The following SIRT6 variants were observed in gnomAD, a reference collection of about 807,000 sequenced individuals.
SIRT6 encodes NAD-dependent protein deacylase sirtuin-6.
In SIRT6, 21 loss-of-function variants were observed where a neutral mutation model predicts 33.6. The ratio of observed to expected loss-of-function variants is 0.62; its 90% confidence interval spans 0.44 to 0.90. SIRT6 has a LOEUF of 0.90. Ranked by LOEUF, SIRT6 falls within the 40% of genes least tolerant of loss-of-function variation. SIRT6 has a pLI of 0.00. For synonymous variants in SIRT6, 221 were observed against 223.9 expected (o/e 0.99, Z 0.12); for missense variants, 504 against 510.6 (o/e 0.99, Z 0.12).
At chr19:4,176,418 G>A (rs977097038) in intron 4 of SIRT6, among the ~76,000 whole-genome samples, 4 of 152,188 alleles carry the variant, frequency 2.6e-5, no homozygotes, top group Non-Finnish European at 5.9e-5. Context: ...GTGAAACCCC[G>A]TCTCTACTAA....
Position 4,174,883 on chromosome 19 carries a change from G to T in SIRT6, c.802C>A (p.His268Asn). 4 of 1,602,404 alleles carry T rather than the reference G, an allele frequency of 2.5e-6. No homozygotes were observed. The highest frequency in any genetic ancestry group is 3.4e-6 in the Non-Finnish European group (4 of 1,179,710). The part of the protein sequence containing the change: ...VDEVMTRLMK[H>N]LGLEIPAWDG... ...CAGGCGGGGATCTCCAGCCCCAGGT[G>T]CTTCATGAGCCGGGTCATGACCTCG... The change falls in exon 8 of 8, where the codon CAC becomes AAC. Residue 268 changes from histidine (H) to asparagine (N), a missense_variant. Physicochemically the swap from His to Asn is moderately conservative, Grantham distance 68. Transcript: ENST00000337491. The surrounding 1 kb of genome is among the most constrained non-coding windows in gnomAD (Gnocchi z 4.2).
chr19:4,175,622 T>C, intron 6 of SIRT6, 58 bp downstream of exon 6: 2 of 1,418,552 alleles, frequency 1.4e-6, no homozygotes, highest in East Asian at 2.5e-5. Flanking sequence ...GCTGGCTGTG[T>C]TTCTGCTGTC....
chr19:4,182,314 G>A (rs1967744649), intron 1 of SIRT6, 160 bp downstream of exon 1: 2 of 684,962 alleles, frequency 2.9e-6, no homozygotes, highest in South Asian at 2.1e-5. Flanking sequence ...GCGTCCCCCG[G>A]CGCGCAGGGG....
Position 4,175,669 on chromosome 19 carries a change from G to C in SIRT6, c.614+11C>G. 1.3e-6 allele frequency: 2 copies of C among 1,511,230 alleles called. No individual in the cohort carries two copies. The highest frequency in any genetic ancestry group is 2.2e-5 in the Admixed American group (1 of 44,456). 93.6% of individuals were successfully genotyped at this position (1,511,230 alleles called of 1,614,324 possible). On this transcript the variant is annotated intron_variant, in intron 6 of 7. Coordinates refer to ENST00000337491, the MANE Select transcript of SIRT6 (RefSeq NM_016539.4). The stretch of plus-strand genomic sequence containing the variant: ...CCCCACCATGGGCTCCCTGGGGGTG[G>C]GGGGTCAGACCTGCTGGCCTCATCG...
chr19:4,180,593 C>G (rs1967568116), intron 2 of SIRT6, 189 bp downstream of exon 2: 2 of 604,936 alleles, frequency 3.3e-6, no homozygotes, highest in Middle Eastern at 4.3e-4. Context: ...ATTGGCCAGG[C>G]TGGTCTGGAA....
At chr19:4,176,458 G>A (rs77695127) in intron 4 of SIRT6, among the ~76,000 whole-genome samples, 3,273 of 152,208 alleles carry the variant, frequency 0.022, 134 homozygotes, top group African/African-American at 0.075. Context: ...GTGTGGTGGC[G>A]GGCGCCTGCA....
chr19:4,175,237 C>T lies in SIRT6; in HGVS notation c.615-86G>A, dbSNP rs1967222388. 4.7e-6 allele frequency: 7 copies of T among 1,491,994 alleles called. No individual in the cohort carries two copies. The Admixed American group carries it at 1.4e-4, about 31-fold the overall frequency. 92.4% of individuals were successfully genotyped at this position (1,491,994 alleles called of 1,614,324 possible). ...CCCTGGGGGCCGGTTCACACCTAGG[C>T]CATCTGTGCTCACCGGGGCGGTCAA... On this transcript the variant is annotated intron_variant, in intron 6 of 7. Coordinates refer to ENST00000337491, the MANE Select transcript of SIRT6 (RefSeq NM_016539.4).
At chr19:4,178,185 C>A (rs1039245050) in intron 3 of SIRT6, among the ~76,000 whole-genome samples, 57 of 152,022 alleles carry the variant, frequency 3.7e-4, no homozygotes, top group African/African-American at 1.4e-3. Flanking sequence ...CGCCACCACG[C>A]CCAGCTAATT....
In SIRT6 at chr19:4,174,274, G is replaced by T; in HGVS notation, c.*343C>A. On this transcript the variant is annotated 3_prime_UTR_variant, in exon 8 of 8. Transcript: ENST00000337491. The surrounding 1 kb of genome is among the most constrained non-coding windows in gnomAD (Gnocchi z 4.2). The stretch of plus-strand genomic sequence containing the variant: ...TGGAGGAGGGGTAGGGTGGGCTGTA[G>T]GGGGCCCAGAAGGGAGGCCCTGGGG... The T allele has an allele frequency of 4.7e-6, 1 of 212,078 alleles. No individual in the cohort carries two copies. Among genetic ancestry groups the T allele is most frequent in the Non-Finnish European group, 9.3e-6 (1 of 107,514 alleles). 13.1% of individuals were successfully genotyped at this position (212,078 alleles called of 1,614,324 possible). A position where few individuals can be genotyped will look rare whatever the true frequency, so the allele number is the denominator to read the frequency against.
chr19:4,180,971 A>T, intron 1 of SIRT6, 62 bp from the exon 2 acceptor site: 2 of 1,503,056 alleles, frequency 1.3e-6, no homozygotes, highest in Non-Finnish European at 1.8e-6. Context: ...AAGGCCACGC[A>T]CGAGCCACAG....
Position 4,175,955 on chromosome 19 carries a change from G to C in SIRT6, c.438-18C>G. 6.4e-7 allele frequency: 1 copy of C among 1,554,272 alleles called. No homozygotes were observed. On this transcript the variant is annotated intron_variant, in intron 4 of 7. Coordinates refer to ENST00000337491, the MANE Select transcript of SIRT6 (RefSeq NM_016539.4). ...CGTACTGCCTGTGTCAGGGAGGAAG[G>C]GGGAGGATGGGACCAGGTGAGCTCC...
Position 4,179,168 on chromosome 19 carries a change from C to T in SIRT6, c.313G>A (p.Gly105Ser). 6.2e-7 allele frequency: 1 copy of T among 1,612,128 alleles called. No homozygotes were observed. The highest frequency in any genetic ancestry group is 1.7e-5 in the Admixed American group (1 of 59,832). The change falls in exon 3 of 8, where the codon GGC becomes AGC. Residue 105 changes from glycine to serine, a missense_variant. Transcript: ENST00000337491. ...TGGCTGACCAGGAAGCGGAGGAGGC[C>T]CACGCGCTCCAGCTGCACCAGCGCC... ...HMALVQLERVGLLRFLVSQNV... is the reference protein window; with the variant it reads ...HMALVQLERVSLLRFLVSQNV...
chr19:4,177,027 C>T (rs1967343804), intron 4 of SIRT6, 52 bp downstream of exon 4: 1 of 1,540,666 alleles, frequency 6.5e-7, no homozygotes, highest in Non-Finnish European at 8.9e-7. Context: ...TCGGATTCGA[C>T]CCCCAACCCC....
In SIRT6 at chr19:4,175,957, G is replaced by T; in HGVS notation, c.438-20C>A. 6.4e-7 allele frequency: 1 copy of T among 1,553,706 alleles called. No individual in the cohort carries two copies. Among genetic ancestry groups the T allele is most frequent in the Non-Finnish European group, 8.7e-7 (1 of 1,148,234 alleles). ...TACTGCCTGTGTCAGGGAGGAAGGG[G>T]GAGGATGGGACCAGGTGAGCTCCCA... On this transcript the variant is annotated intron_variant, in intron 4 of 7. Transcript: ENST00000337491.
Position 4,182,482 on chromosome 19 carries a change from G to C in SIRT6, c.58C>G (p.Leu20Val). ...CCCTCAGACGCGCTCACCTCCGGGA[G>C]GCCGCACTTGCCCTTGTCCGCGTAC... is the stretch of plus-strand genomic sequence containing the variant. ...SPYADKGKCG[L>V]PEIFDPPEEL... The change falls in exon 1 of 8, where the codon CTC (leucine) becomes GTC (valine). Residue 20 changes from leucine to valine, a missense_variant. Coordinates refer to ENST00000337491, the MANE Select transcript of SIRT6 (RefSeq NM_016539.4). 1 of 1,610,454 alleles carries C rather than the reference G, an allele frequency of 6.2e-7. No homozygotes were observed. Among genetic ancestry groups the C allele is most frequent in the Non-Finnish European group, 8.5e-7 (1 of 1,178,766 alleles).
chr19:4,174,430 C>G lies in SIRT6; in HGVS notation c.*187G>C. 2.0e-6 allele frequency: 1 copy of G among 490,962 alleles called. No homozygotes were observed. Among genetic ancestry groups the G allele is most frequent in the Non-Finnish European group, 3.4e-6 (1 of 291,484 alleles). The allele number at this position is 490,962 out of a possible 1,614,324, so 30.4% of individuals were successfully genotyped here. A position where few individuals can be genotyped will look rare whatever the true frequency, so the allele number is the denominator to read the frequency against. On this transcript the variant is annotated 3_prime_UTR_variant, in exon 8 of 8. Transcript: ENST00000337491. The surrounding 1 kb of genome is among the most constrained non-coding windows in gnomAD (Gnocchi z 4.2). ...TCACCTCTGGGGTGTGGCTTCTTCC[C>G]GGAACCGCACCAGAGGCCCCTGGAG... is the stretch of plus-strand genomic sequence containing the variant.
intron 2 of SIRT6, 112 bp downstream of exon 2, chr19:4,180,670 T>C: frequency 7.1e-7 from 1 of 1,416,332 alleles, no homozygotes; most frequent in Non-Finnish European, 9.6e-7. Context: ...CCAGGACACA[T>C]CCAGGAGGAA....
rs1967769500 is a variant in SIRT6, at chr19:4,182,502, G to A, written c.38C>T (p.Ala13Val). 6.2e-7 allele frequency: 1 copy of A among 1,611,482 alleles called. No individual in the cohort carries two copies. Residue 13 changes from alanine (A) to valine (V), a missense_variant, in exon 1 of 8, where the codon GCG (alanine) becomes GTG (valine). Physicochemically the swap from Ala to Val is moderately conservative, Grantham distance 64. Transcript: ENST00000337491. The stretch of plus-strand genomic sequence containing the variant: ...CGGGAGGCCGCACTTGCCCTTGTCC[G>A]CGTACGGCGACAGCCCCGCCGCGTA... The part of the protein sequence containing the change: ...VNYAAGLSPY[A>V]DKGKCGLPEI...
At chr19:4,181,041 T>G in intron 1 of SIRT6, 132 bp from the exon 2 acceptor site, 16 of 1,198,128 alleles carry the variant, frequency 1.3e-5, no homozygotes, top group Non-Finnish European at 1.8e-5. Flanking sequence ...CAGCTTGTCC[T>G]CATGCCCCTC....
Sources: gnomAD v4.1 joint callset for allele counts (sites outside exome capture counted in the v4.1 genomes callset) on GRCh38, gnomAD v4.1.1 for gene constraint, Gnocchi (gnomAD v3.1) non-coding constraint, MANE v1.5 for transcripts, NCBI Gene and HGNC (gene_info 2026-07-23, HGNC 2026-07-21) for gene names.